LAMA4: variants seen among roughly 807,000 people sequenced by gnomAD.
LAMA4 encodes laminin subunit alpha 4, also known as laminin subunit alpha-4.
In LAMA4, 127 loss-of-function variants were observed where a neutral mutation model predicts 207.1. The observed-to-expected ratio is 0.61, with a 90% confidence interval of 0.53 to 0.71. LAMA4 has a LOEUF of 0.71. Among genes scored for constraint, LAMA4 ranks in the 30% least tolerant of loss-of-function variants. The pLI, the probability that LAMA4 is intolerant of heterozygous loss-of-function variation, is 0.00. For synonymous variants in LAMA4, 761 were observed against 816.0 expected, an observed-to-expected ratio of 0.93 and a Z score of 1.15; for missense variants, 2,093 against 2,246.5, an observed-to-expected ratio of 0.93 and a Z score of 1.38.
At chr6:112,240,762 G>T (rs1786360631) in intron 2 of LAMA4, among the ~76,000 whole-genome samples, 1 of 152,030 alleles carries the variant, frequency 6.6e-6, no homozygotes, top group African/African-American at 2.4e-5. Flanking sequence ...TTGTGTATAT[G>T]TACCACATTT....
intron 38 of LAMA4, 133 bp downstream of exon 38, chr6:112,113,943 T>G (rs1554322274): frequency 1.9e-5 from 20 of 1,040,892 alleles, no homozygotes; most frequent in Non-Finnish European, 2.5e-5. Flanking sequence ...CCTTTTCCAT[T>G]TAAACAACAC....
At chr6:112,189,485 A>C (rs901207218) in intron 6 of LAMA4, among the ~76,000 whole-genome samples, 2 of 152,332 alleles carry the variant, frequency 1.3e-5, no homozygotes, top group South Asian at 4.1e-4. Flanking sequence ...CTGACATGAC[A>C]GTGCAATTGC....
rs1554322373 is a variant in LAMA4 at position 112,114,115 on chromosome 6, T to C, written c.5287A>G (p.Ile1763Val). Reference protein sequence around the residue: ...HVVGPLNPKPIDHREPVFVGG... With the variant: ...HVVGPLNPKPVDHREPVFVGG... ...ACAAACACAGGCTCCCTGTGATCAA[T>C]TGGTTTTGGATTCAGGGGTCCAACC... Residue 1763 changes from isoleucine to valine, a missense_variant, in exon 38 of 39, where the codon ATT becomes GTT. Coordinates refer to ENST00000230538, the MANE Select transcript of LAMA4 (RefSeq NM_001105206.3). 3 of 1,613,984 alleles carry C rather than the reference T, an allele frequency of 1.9e-6. No individual in the cohort carries two copies. The highest frequency in any genetic ancestry group is 2.5e-6 in the Non-Finnish European group (3 of 1,179,888).
intron 5 of LAMA4, among the ~76,000 whole-genome samples, chr6:112,200,766 A>G (rs1412960766): frequency 1.4e-4 from 21 of 152,270 alleles, no homozygotes; most frequent in African/African-American, 4.3e-4. Context: ...GTCATTCTTA[A>G]CAAACTAACA....
At chr6:112,221,178 G>A (rs1425024001) in intron 2 of LAMA4, among the ~76,000 whole-genome samples, 3 of 152,154 alleles carry the variant, frequency 2.0e-5, no homozygotes, top group Non-Finnish European at 4.4e-5. Flanking sequence ...GAGTCCCAAA[G>A]AGGATCAGAC....
chr6:112,182,092 G>A (rs1782397244), intron 9 of LAMA4, among the ~76,000 whole-genome samples: 2 of 140,496 alleles, frequency 1.4e-5, no homozygotes, highest in African/African-American at 5.3e-5. Flanking sequence ...GCGAGACTCT[G>A]TCTGAAAATA....
chr6:112,254,060 C>T lies in LAMA4; in HGVS notation c.91G>A (p.Ala31Thr). 6.2e-7 allele frequency: 1 copy of T among 1,607,486 alleles called. No homozygotes were observed. The highest frequency in any genetic ancestry group is 8.5e-7 in the Non-Finnish European group (1 of 1,177,200). Residue 31 changes from alanine to threonine, a missense_variant, in exon 2 of 39, where the codon GCT becomes ACT. Physicochemically the swap from Ala to Thr is moderately conservative, Grantham distance 58 (BLOSUM62 0). Around this residue, in one of 3 missense-constraint regions of LAMA4, gnomAD observed 1,704 missense variants for 1,788.4 expected, o/e 0.95. Coordinates refer to ENST00000230538, the MANE Select transcript of LAMA4 (RefSeq NM_001105206.3). The stretch of plus-strand genomic sequence containing the variant: ...CTCCCTTCAATGTCAAAAGGAAAAG[C>T]GTTGTCGTCCCCGGACGCGGCGCGG... ...CSRAASGDDN[A>T]FPFDIEGSSA... is the part of the protein sequence containing the mutation.
chr6:112,134,430 T>C (rs782195067), intron 26 of LAMA4, 37 bp downstream of exon 26: 2 of 1,610,306 alleles, frequency 1.2e-6, no homozygotes, highest in Admixed American at 3.3e-5. Flanking sequence ...CCCAGTACAT[T>C]GCTAGGAACA....
rs892901659 is a variant in LAMA4 at position 112,244,821 on chromosome 6, C to A, written c.195+9135G>T. 1.1e-4 allele frequency among the ~76,000 whole-genome samples: 17 copies of A among 152,306 alleles called. No homozygotes were observed. In the South Asian group the frequency reaches 3.5e-3, roughly 32 times the overall value. On this transcript the variant is annotated intron_variant, in intron 2 of 38. Transcript: ENST00000230538. ...GCAAGGTATGATAGATTTATGTAACCAATAATAACCACCCACTGACTCTGC... is the reference window on the plus strand; with the variant it reads ...GCAAGGTATGATAGATTTATGTAACAAATAATAACCACCCACTGACTCTGC...
Position 112,164,786 on chromosome 6 carries a change from C to T in LAMA4, c.1668+374G>A, listed in dbSNP as rs1451775225. Among the ~76,000 whole-genome samples, 5 of 152,108 alleles carry T rather than the reference C, an allele frequency of 3.3e-5. 1 individual carries two copies. Among genetic ancestry groups the T allele is most frequent in the South Asian group, 4.1e-4 (2 of 4,822 alleles). On this transcript the variant is annotated intron_variant, in intron 13 of 38. Coordinates refer to ENST00000230538, the MANE Select transcript of LAMA4 (RefSeq NM_001105206.3). Reference sequence around the variant, plus strand: ...TGAGTGAAGAGTGAGTAGGATGGATCGAGAGCAGCATTTTCAATAGAACTC... The same window carrying T: ...TGAGTGAAGAGTGAGTAGGATGGATTGAGAGCAGCATTTTCAATAGAACTC...
At chr6:112,173,609 A>G (rs1163868701) in intron 11 of LAMA4, among the ~76,000 whole-genome samples, 2 of 152,212 alleles carry the variant, frequency 1.3e-5, no homozygotes, top group African/African-American at 2.4e-5. Context: ...ATTGACTGAC[A>G]TCTGAGCTCT....
intron 38 of LAMA4, among the ~76,000 whole-genome samples, chr6:112,111,212 T>G (rs1777674023): frequency 6.6e-6 from 1 of 152,034 alleles, no homozygotes; most frequent in South Asian, 2.1e-4. Context: ...CTCAGCTATT[T>G]TTTGTATCTT....
rs1368858492 is a variant in LAMA4 at position 112,158,769 on chromosome 6, C to A, written c.1780G>T (p.Ala594Ser). ...HDLVQEAIDHAQDLQQEANEL... is the reference protein window; with the variant it reads ...HDLVQEAIDHSQDLQQEANEL... ...TTAGCTTCTTGTTGAAGGTCCTGTG[C>A]ATGGTCAATAGCTTCTTGGACTAAA... The change falls in exon 14 of 39, where the codon GCA becomes TCA. Residue 594 changes from alanine (A) to serine (S), a missense_variant. Physicochemically the swap from Ala to Ser is moderately conservative, Grantham distance 99. This residue lies in a region of LAMA4 where 1,704 missense variants were observed against 1,788.4 expected (regional missense o/e 0.95). Transcript: ENST00000230538. 3 of 1,613,676 alleles carry A rather than the reference C, an allele frequency of 1.9e-6. No individual in the cohort carries two copies. The highest frequency in any genetic ancestry group is 2.5e-6 in the Non-Finnish European group (3 of 1,179,768).
chr6:112,139,946 G>A, intron 22 of LAMA4, 61 bp from the exon 23 acceptor site: 2 of 1,543,858 alleles, frequency 1.3e-6, no homozygotes, highest in East Asian at 4.5e-5. Context: ...AGACATCACA[G>A]AACAGACAAT....
chr6:112,176,486 C>A (rs1554343774), intron 10 of LAMA4, among the ~76,000 whole-genome samples: 1 of 152,110 alleles, frequency 6.6e-6, no homozygotes, highest in African/African-American at 2.4e-5. Flanking sequence ...TGGATAATAG[C>A]TTGAAGGTCG....
chr6:112,147,766 G>A (rs1554334833), intron 18 of LAMA4, among the ~76,000 whole-genome samples: 2 of 152,210 alleles, frequency 1.3e-5, no homozygotes, highest in Non-Finnish European at 2.9e-5. Context: ...ATGTTGCCTA[G>A]TAGAAGCAAT....
intron 2 of LAMA4, among the ~76,000 whole-genome samples, chr6:112,235,689 T>C (rs1785868661): frequency 1.3e-5 from 2 of 152,218 alleles, no homozygotes; most frequent in African/African-American, 4.8e-5. Context: ...AGATCTTTCT[T>C]TCTTCCTTTT....
intron 9 of LAMA4, chr6:112,178,981 A>G (rs1782187723): frequency 6.6e-6 from 1 of 152,258 alleles, no homozygotes; most frequent in Non-Finnish European, 1.5e-5. Flanking sequence ...TGGTCCAACC[A>G]CTGCTGAAAT....
intron 12 of LAMA4, among the ~76,000 whole-genome samples, chr6:112,165,585 G>A (rs1055495111): frequency 4.6e-5 from 7 of 152,202 alleles, no homozygotes; most frequent in Admixed American, 4.6e-4. Context: ...GAATATAAAA[G>A]AGGACTATGG....
Sources: allele counts gnomAD v4.1 joint callset (sites outside exome capture counted in the v4.1 genomes callset), GRCh38; gene constraint gnomAD v4.1.1; regional missense constraint gnomAD v4.1.1; transcripts MANE v1.5; gene names NCBI Gene and HGNC (gene_info 2026-07-23, HGNC 2026-07-21).